LSM8: variants seen among roughly 807,000 people sequenced by gnomAD.
LSM8 encodes the protein LSM8 U6 small nuclear RNA associated.
A neutral mutation model predicts 15.0 loss-of-function variants in LSM8; 14 were observed. The ratio of observed to expected loss-of-function variants is 0.93; its 90% confidence interval spans 0.62 to 1.46. The LOEUF is 1.46. Ranked by LOEUF, LSM8 falls within the 40% of genes most tolerant of loss-of-function variation. LSM8 has a pLI of 0.00. For synonymous variants in LSM8, 50 were observed against 42.1 expected, an observed-to-expected ratio of 1.19 and a Z score of -0.73; for missense variants, 90 against 115.4, an observed-to-expected ratio of 0.78 and a Z score of 1.01.
At position 118,196,408 on chromosome 7, in the gene LSM8, ATT is replaced by A. The variant is rs10712824; in HGVS notation, c.*4413_*4414del. 2.6e-5 allele frequency among the ~76,000 whole-genome samples: 4 copies of A among 151,850 alleles called. No homozygotes were observed. In the South Asian group the frequency reaches 8.3e-4, roughly 32 times the overall value. Reference sequence around the variant, plus strand: ...TTCAAGTCAATTATTTTCCCCATCTATTTTTTTTCTTTTAAGATTGCTAAGTC... The same window carrying A: ...TTCAAGTCAATTATTTTCCCCATCTATTTTTTCTTTTAAGATTGCTAAGTC... On this transcript the variant is annotated 3_prime_UTR_variant, in exon 4 of 4. Transcript: ENST00000249299.
Position 118,192,444 on chromosome 7 carries a change from T to C in LSM8, c.*442T>C, listed in dbSNP as rs775940830. Reference sequence around the variant, plus strand: ...GAGTTATCTGAATCATTGGCATTTATCCGATTCCACTGGTGGTAGTTTGCT... The same window carrying C: ...GAGTTATCTGAATCATTGGCATTTACCCGATTCCACTGGTGGTAGTTTGCT... On this transcript the variant is annotated 3_prime_UTR_variant, in exon 4 of 4. Transcript: ENST00000249299. 6.5e-6 allele frequency: 1 copy of C among 153,648 alleles called. No homozygotes were observed. The highest frequency in any genetic ancestry group is 1.4e-5 in the Non-Finnish European group (1 of 69,084). The allele number at this position is 153,648 out of a possible 1,614,324, so 9.5% of individuals were successfully genotyped here.
intron 3 of LSM8, 76 bp downstream of exon 3, chr7:118,188,481 C>A: frequency 7.5e-7 from 1 of 1,331,070 alleles, no homozygotes; most frequent in East Asian, 2.4e-5. Flanking sequence ...CCCAAAATAC[C>A]CTACTGTATT....
At chr7:118,187,674 C>G (rs1808909951) in intron 2 of LSM8, among the ~76,000 whole-genome samples, 1 of 152,126 alleles carries the variant, frequency 6.6e-6, no homozygotes. Context: ...CAGGAGCTAG[C>G]CTTTTGTGGT....
rs776524168 is a variant in LSM8, at chr7:118,191,991, G to T, written c.280G>T (p.Val94Leu). The T allele has an allele frequency of 1.2e-6, 2 of 1,606,820 alleles. No individual in the cohort carries two copies. The highest frequency in any genetic ancestry group is 1.7e-6 in the Non-Finnish European group (2 of 1,174,308). ...TATTCGAGCAGAACCTTTAAATTCT[G>T]TAGCACACTGAGGAAAAACTACATA... is the stretch of plus-strand genomic sequence containing the variant. ...GNIRAEPLNS[V>L]AH Residue 94 changes from valine (V) to leucine (L), a missense_variant, in exon 4 of 4, where the codon GTA becomes TTA. Coordinates refer to ENST00000249299, the MANE Select transcript of LSM8 (RefSeq NM_016200.5).
rs1396947599 is a variant in LSM8 at position 118,194,192 on chromosome 7, T to C, written c.*2190T>C. The stretch of plus-strand genomic sequence containing the variant: ...TTTATATTTAATGAGACATTTATTC[T>C]ATAATCAGTTCTTATTTATAAAGAG... On this transcript the variant is annotated 3_prime_UTR_variant, in exon 4 of 4. Coordinates refer to ENST00000249299, the MANE Select transcript of LSM8 (RefSeq NM_016200.5). Among the ~76,000 whole-genome samples the C allele has an allele frequency of 6.6e-6, 1 of 152,032 alleles. No individual in the cohort carries two copies. The highest frequency in any genetic ancestry group is 1.5e-5 in the Non-Finnish European group (1 of 67,976).
rs564442575 is a variant in LSM8 at position 118,187,091 on chromosome 7, A to G, written c.73-1187A>G. ...ATGTGTAAAATGAAGTCAAGAAGTT[A>G]TGAATGGATGTTTATGATAACAACC... On this transcript the variant is annotated intron_variant, in intron 2 of 3. Transcript: ENST00000249299. 2.0e-5 allele frequency among the ~76,000 whole-genome samples: 3 copies of G among 152,356 alleles called. No homozygotes were observed. The East Asian group carries it at 5.8e-4, about 29-fold the overall frequency.
At position 118,200,638 on chromosome 7, in the gene LSM8, A is replaced by AGT. The variant is rs1809157588; in HGVS notation, c.*8636_*8637insGT. Among the ~76,000 whole-genome samples, 1 of 152,134 alleles carries AGT rather than the reference A, an allele frequency of 6.6e-6. No homozygotes were observed. The highest frequency in any genetic ancestry group is 2.4e-5 in the African/African-American group (1 of 41,438). ...ATGATTCTTCCATAATAAACAAGCA[A>AGT]ACTGTCATACTTGTTGACTTATATT... On this transcript the variant is annotated 3_prime_UTR_variant, in exon 4 of 4. Coordinates refer to ENST00000249299, the MANE Select transcript of LSM8 (RefSeq NM_016200.5).
rs368545770 is a variant in LSM8, at chr7:118,193,348, A to C, written c.*1346A>C. ...CAAGTTCAATAAGAAAAAATGAACAATTTGTATAAATTCTGGAATAGATCC... is the reference window on the plus strand; with the variant it reads ...CAAGTTCAATAAGAAAAAATGAACACTTTGTATAAATTCTGGAATAGATCC... On this transcript the variant is annotated 3_prime_UTR_variant, in exon 4 of 4. Coordinates refer to ENST00000249299, the MANE Select transcript of LSM8 (RefSeq NM_016200.5). Among the ~76,000 whole-genome samples, 1 of 152,136 alleles carries C rather than the reference A, an allele frequency of 6.6e-6. No homozygotes were observed. The highest frequency in any genetic ancestry group is 6.6e-5 in the Admixed American group (1 of 15,260).
intron 3 of LSM8, chr7:118,190,559 A>G (rs1476712415): frequency 6.6e-6 from 1 of 152,224 alleles, no homozygotes. Context: ...GCAGCAAATC[A>G]GTCTCCCGCT....
At chr7:118,190,084 C>G (rs1808953493) in intron 3 of LSM8, 1 of 152,132 alleles carries the variant, frequency 6.6e-6, no homozygotes, top group Non-Finnish European at 1.5e-5. Context: ...TTAACAAATT[C>G]TAGGGGACTA....
At chr7:118,185,769 C>T (rs1808879076) in intron 2 of LSM8, 75 bp downstream of exon 2, 1 of 1,356,854 alleles carries the variant, frequency 7.4e-7, no homozygotes, top group Admixed American at 1.7e-5. Context: ...AACCTCTAAT[C>T]TCTAATGCCT....
rs1049819586 is a variant in LSM8, at chr7:118,194,076, C to A, written c.*2074C>A. On this transcript the variant is annotated 3_prime_UTR_variant, in exon 4 of 4. Transcript: ENST00000249299. Reference sequence around the variant, plus strand: ...AAGCACATGGTGGACTGTTTTCTCACAACCGATTAAAATTGGATTTATTTT... The same window carrying A: ...AAGCACATGGTGGACTGTTTTCTCAAAACCGATTAAAATTGGATTTATTTT... Among the ~76,000 whole-genome samples the A allele has an allele frequency of 4.6e-5, 7 of 152,090 alleles. No homozygotes were observed. The highest frequency in any genetic ancestry group is 1.7e-4 in the African/African-American group (7 of 41,440).
At chr7:118,185,633 T>C (rs1808876347) in intron 1 of LSM8, 21 bp from the exon 2 acceptor site, 1 of 1,598,706 alleles carries the variant, frequency 6.3e-7, no homozygotes, top group South Asian at 1.1e-5. Context: ...TAAGAAACAC[T>C]TTCTTTGATT....
chr7:118,187,688 TCTC>T (rs1347927641), intron 2 of LSM8, among the ~76,000 whole-genome samples: 1 of 152,210 alleles, frequency 6.6e-6, no homozygotes, highest in Non-Finnish European at 1.5e-5. Flanking sequence ...TTGTGGTTCA[TCTC>T]CTGGCTCTGC....
chr7:118,193,088 A>G lies in LSM8; in HGVS notation c.*1086A>G, dbSNP rs2115926591. 6.6e-6 allele frequency among the ~76,000 whole-genome samples: 1 copy of G among 152,274 alleles called. No homozygotes were observed. Among genetic ancestry groups the G allele is most frequent in the East Asian group, 1.9e-4 (1 of 5,182 alleles). On this transcript the variant is annotated 3_prime_UTR_variant, in exon 4 of 4. Transcript: ENST00000249299. ...TAGTTTATTTGTTTTGTTTTTATGA[A>G]AGTGCTTAAAAATAGTAGTTGGCAA...
chr7:118,185,850 G>A (rs2116317812), intron 2 of LSM8, among the ~76,000 whole-genome samples, 156 bp downstream of exon 2: 1 of 152,224 alleles, frequency 6.6e-6, no homozygotes, highest in Non-Finnish European at 1.5e-5. Context: ...GTCAATCCAT[G>A]TTTTCCTCAC....
At chr7:118,188,481 C>T (rs1014256346) in intron 3 of LSM8, 76 bp downstream of exon 3, 1 of 1,331,070 alleles carries the variant, frequency 7.5e-7, no homozygotes, top group Non-Finnish European at 1.0e-6. Context: ...CCCAAAATAC[C>T]CTACTGTATT....
In LSM8 at chr7:118,194,299, G is replaced by T. The variant is rs1809039603; in HGVS notation, c.*2297G>T. Among the ~76,000 whole-genome samples the T allele has an allele frequency of 6.6e-6, 1 of 151,838 alleles. No individual in the cohort carries two copies. Among genetic ancestry groups the T allele is most frequent in the Admixed American group, 6.6e-5 (1 of 15,248 alleles). On this transcript the variant is annotated 3_prime_UTR_variant, in exon 4 of 4. Coordinates refer to ENST00000249299, the MANE Select transcript of LSM8 (RefSeq NM_016200.5). Reference sequence around the variant, plus strand: ...TAAACCCAGCTTAATGAATCAAAGAGATGTTTCTTGGCAAGATATTTTCAT... The same window carrying T: ...TAAACCCAGCTTAATGAATCAAAGATATGTTTCTTGGCAAGATATTTTCAT...
chr7:118,191,682 T>C (rs1808984120), intron 3 of LSM8: 1 of 457,294 alleles, frequency 2.2e-6, no homozygotes, highest in African/African-American at 2.0e-5. Context: ...TTAATATTGG[T>C]TCCTGTAATA....
Sources: gnomAD v4.1 joint callset for allele counts (sites outside exome capture counted in the v4.1 genomes callset) on GRCh38, gnomAD v4.1.1 for gene constraint, MANE v1.5 for transcripts, NCBI Gene and HGNC (gene_info 2026-07-23, HGNC 2026-07-21) for gene names.